The following NID2 variants were observed in gnomAD, a reference collection of about 807,000 sequenced individuals.
The protein encoded by NID2 is nidogen 2, also known as nidogen-2.
In NID2, 83 loss-of-function variants were observed where a neutral mutation model predicts 145.4. That is an observed-to-expected ratio of 0.57 (90% CI 0.48 to 0.69). The LOEUF is 0.69. NID2 is among the 30% of genes least tolerant of loss of function. The pLI, the probability that NID2 is intolerant of heterozygous loss-of-function variation, is 0.00. For synonymous variants in NID2, 739 were observed against 701.3 expected, an observed-to-expected ratio of 1.05 and a Z score of -0.85; for missense variants, 1,807 against 1,765.7, an observed-to-expected ratio of 1.02 and a Z score of -0.42.
Position 52,067,966 on chromosome 14 carries a change from A to G in NID2, c.426T>C (p.Ala142=), listed in dbSNP as rs372586128. Residue 142 remains alanine, a synonymous_variant, in exon 2 of 22, where the codon GCT becomes GCC. Transcript: ENST00000216286. ...TAAAGCGCGCAGAGCGCGGGAAGCC[A>G]GCGCGCACATAGCGGGCGGCCAGGC... The part of the protein sequence containing the change: ...VLGLAARYVR[A]GFPRSARFTP... 1.2e-6 allele frequency: 2 copies of G among 1,611,322 alleles called. No homozygotes were observed. Among genetic ancestry groups the G allele is most frequent in the Non-Finnish European group, 1.7e-6 (2 of 1,178,904 alleles).
intron 14 of NID2, among the ~76,000 whole-genome samples, chr14:52,018,182 C>T (rs368327186): frequency 3.3e-5 from 5 of 152,224 alleles, no homozygotes; most frequent in African/African-American, 1.2e-4. Flanking sequence ...TACTTTCACA[C>T]ATTAAAAGCC....
Position 52,005,148 on chromosome 14 carries a change from CAGGTTTAG to C in NID2, c.*330_*337del, listed in dbSNP as rs1235722515. On this transcript the variant is annotated 3_prime_UTR_variant, in exon 22 of 22. Coordinates refer to ENST00000216286, the MANE Select transcript of NID2 (RefSeq NM_007361.4). The stretch of plus-strand genomic sequence containing the variant: ...GCCAGAAGGAATCCATGGCAAAAAT[CAGGTTTAG>C]AGTCTTAAACTCTAATTCTTAGTTG... The C allele has an allele frequency of 9.8e-6, 2 of 204,256 alleles. No homozygotes were observed. Among genetic ancestry groups the C allele is most frequent in the Non-Finnish European group, 1.9e-5 (2 of 102,800 alleles). The allele number at this position is 204,256 out of a possible 1,614,324, so 12.7% of individuals were successfully genotyped here.
At chr14:52,009,134 C>G (rs755301447) in intron 18 of NID2, 2 of 152,156 alleles carry the variant, frequency 1.3e-5, no homozygotes, top group Non-Finnish European at 2.9e-5. Flanking sequence ...TCCCCTGTTG[C>G]GAATTTCATC....
rs766845668 is a variant in NID2, at chr14:52,068,153, T to C, written c.239A>G (p.Asn80Ser). 2.5e-6 allele frequency: 4 copies of C among 1,613,050 alleles called. No individual in the cohort carries two copies. The highest frequency in any genetic ancestry group is 3.4e-6 in the Non-Finnish European group (4 of 1,179,840). ...ARFSNLYVGT[N>S]GIISTQDFPR... is the part of the protein sequence containing the mutation. ...GAAGTCCTGAGTGGAGATGATGCCG[T>C]TGGTGCCCACCTGGGAGAGGAGAGG... The change falls in exon 2 of 22, where the codon AAC (asparagine) becomes AGC (serine). Residue 80 changes from asparagine to serine, a missense_variant. Physicochemically the swap from Asn to Ser is conservative, Grantham distance 46. Transcript: ENST00000216286.
intron 11 of NID2, 174 bp downstream of exon 11, chr14:52,028,548 A>G: frequency 1.6e-6 from 1 of 640,526 alleles, no homozygotes; most frequent in African/African-American, 1.9e-5. Context: ...AGCGATGATT[A>G]CAGGCGTGAG....
At chr14:52,027,657 C>CACACAA (rs1394024092) in intron 11 of NID2, among the ~76,000 whole-genome samples, 2 of 151,454 alleles carry the variant, frequency 1.3e-5, no homozygotes, top group Non-Finnish European at 2.9e-5. Context: ...CACACACACA[C>CACACAA]ACACACACAC....
At chr14:52,014,073 CAG>C (rs1891125157) in intron 16 of NID2, 1 of 627,384 alleles carries the variant, frequency 1.6e-6, no homozygotes, top group Admixed American at 2.6e-5. Flanking sequence ...ATGAACGAAC[CAG>C]AGAGCACAGC....
intron 5 of NID2, among the ~76,000 whole-genome samples, chr14:52,045,286 T>C (rs1455158118): frequency 6.6e-6 from 1 of 152,182 alleles, no homozygotes; most frequent in Non-Finnish European, 1.5e-5. Context: ...GCATTAGCTT[T>C]TGAACAGTAC....
chr14:52,031,162 G>A (rs1257489523), intron 9 of NID2, among the ~76,000 whole-genome samples: 1 of 152,230 alleles, frequency 6.6e-6, no homozygotes, highest in South Asian at 2.1e-4. Flanking sequence ...CAATGGCACA[G>A]AGGTATTGGA....
intron 11 of NID2, among the ~76,000 whole-genome samples, chr14:52,027,725 TC>T (rs1891642598): frequency 1.4e-5 from 2 of 146,554 alleles, no homozygotes; most frequent in African/African-American, 5.2e-5. Flanking sequence ...GCATTTTCTT[TC>T]TTTTTTTTTT....
rs574323620 is a variant in NID2 at position 52,030,466 on chromosome 14, T to A, written c.2258-776A>T. On this transcript the variant is annotated intron_variant, in intron 9 of 21. Transcript: ENST00000216286. Reference sequence around the variant, plus strand: ...CAGCCTGGGCAATATGCCAAGACCTTATCTCGAGAGAAAGAAAAGAAAGAA... The same window carrying A: ...CAGCCTGGGCAATATGCCAAGACCTAATCTCGAGAGAAAGAAAAGAAAGAA... Among the ~76,000 whole-genome samples, 8 of 53,924 alleles carry A rather than the reference T, an allele frequency of 1.5e-4. No homozygotes were observed. In the South Asian group the frequency reaches 6.0e-3, roughly 41 times the overall value. 35.4% of individuals were successfully genotyped at this position (53,924 alleles called of 152,430 possible). A position where few individuals can be genotyped will look rare whatever the true frequency, so the allele number is the denominator to read the frequency against.
At chr14:52,010,003 A>C (rs1316384215) in intron 18 of NID2, 1 of 152,258 alleles carries the variant, frequency 6.6e-6, no homozygotes, top group Non-Finnish European at 1.5e-5. Context: ...AAGAAAAAAA[A>C]AAGAAAAAAG....
Position 52,015,179 on chromosome 14 carries a change from T to TG in NID2, c.3124dup (p.Gln1042ProfsTer4). The TG allele has an allele frequency of 6.2e-7, 1 of 1,613,806 alleles. No individual in the cohort carries two copies. The highest frequency in any genetic ancestry group is 8.5e-7 in the Non-Finnish European group (1 of 1,179,990). On this transcript the variant is annotated frameshift_variant, in exon 15 of 22. Coordinates refer to ENST00000216286, the MANE Select transcript of NID2 (RefSeq NM_007361.4). LOFTEE classifies it high-confidence loss of function. ...GATGAAGTGGCCCAGGTCATCGCAC[T>TG]GGGGCACGTACTGGTCATCCCGGGG...
At chr14:52,061,587 G>T (rs904078491) in intron 2 of NID2, among the ~76,000 whole-genome samples, 7 of 152,124 alleles carry the variant, frequency 4.6e-5, no homozygotes, top group Admixed American at 2.0e-4. Flanking sequence ...CAGGGTGGAG[G>T]TTGGGAGGTG....
chr14:52,005,785 G>C lies in NID2; in HGVS notation c.4069C>G (p.Arg1357Gly), dbSNP rs1292327175. 1.2e-6 allele frequency: 2 copies of C among 1,613,756 alleles called. No homozygotes were observed. Among genetic ancestry groups the C allele is most frequent in the Non-Finnish European group, 1.7e-6 (2 of 1,179,804 alleles). The change falls in exon 21 of 22, where the codon CGA becomes GGA. Residue 1357 changes from arginine (R) to glycine (G), a missense_variant. Transcript: ENST00000216286. Reference protein sequence around the residue: ...QFTDEYLPEQRSHLYGITAVY... With the variant: ...QFTDEYLPEQGSHLYGITAVY... ...GCAGTTATCCCGTAGAGGTGAGATC[G>C]TTGTTCTGGGAGATACTCATCAGTA...
At chr14:52,043,785 G>A (rs907294466) in intron 5 of NID2, among the ~76,000 whole-genome samples, 1 of 152,214 alleles carries the variant, frequency 6.6e-6, no homozygotes, top group African/African-American at 2.4e-5. Flanking sequence ...CAAGGGGGTA[G>A]GGTGTGGCGG....
intron 2 of NID2, among the ~76,000 whole-genome samples, chr14:52,063,308 A>G (rs1365923266): frequency 6.6e-6 from 1 of 152,208 alleles, no homozygotes; most frequent in Non-Finnish European, 1.5e-5. Flanking sequence ...AGGATCCCAG[A>G]GAGGAGAGAG....
At position 52,015,274 on chromosome 14, in the gene NID2, C is replaced by T. The variant is rs544863138; in HGVS notation, c.3030G>A (p.Glu1010=). ...STPPHCGPSP[E]PTQRPPTICE... ...AGATGGTCGGGGGCCTCTGGGTGGG[C>T]TCTGAGCAGATGGGGAAGAGGGAAG... is the stretch of plus-strand genomic sequence containing the variant. Residue 1010 remains glutamate, a splice_region_variant and synonymous_variant, in exon 15 of 22, where the codon GAG becomes GAA. Transcript: ENST00000216286. 1 of 1,606,208 alleles carries T rather than the reference C, an allele frequency of 6.2e-7. No homozygotes were observed. The highest frequency in any genetic ancestry group is 8.5e-7 in the Non-Finnish European group (1 of 1,173,746).
At chr14:52,024,909 A>G (rs1213783979) in intron 12 of NID2, among the ~76,000 whole-genome samples, 1 of 152,218 alleles carries the variant, frequency 6.6e-6, no homozygotes, top group Non-Finnish European at 1.5e-5. Context: ...GGAGAGAATC[A>G]TTGTAGAAGT....
Sources: allele counts gnomAD v4.1 joint callset (sites outside exome capture counted in the v4.1 genomes callset), GRCh38; gene constraint gnomAD v4.1.1; transcripts MANE v1.5; gene names NCBI Gene and HGNC (gene_info 2026-07-23, HGNC 2026-07-21).